ADAP1: variants seen among roughly 807,000 people sequenced by gnomAD.
ADAP1 encodes the protein ArfGAP with dual PH domains 1.
ADAP1 carries 31 observed loss-of-function variants against 54.9 expected under a neutral mutation model. The ratio of observed to expected loss-of-function variants is 0.56; its 90% CI spans 0.42 to 0.76. ADAP1 has a LOEUF of 0.76. ADAP1 is among the 30% of genes least tolerant of loss of function. The pLI is 0.00. For synonymous variants in ADAP1, 313 were observed against 202.6 expected (o/e 1.55, Z -4.63); for missense variants, 535 against 512.4 (o/e 1.04, Z -0.42).
intron 6 of ADAP1, 39 bp downstream of exon 6, chr7:904,087 T>C (rs1844963221): frequency 6.2e-7 from 1 of 1,606,490 alleles, no homozygotes; most frequent in South Asian, 1.1e-5. Flanking sequence ...GGGCCCACCC[T>C]CCTGTGCCAC....
At chr7:912,528 T>A (rs1336333197) in intron 4 of ADAP1, among the ~76,000 whole-genome samples, 1 of 152,070 alleles carries the variant, frequency 6.6e-6, no homozygotes, top group Non-Finnish European at 1.5e-5. Context: ...GGGCTGAGGT[T>A]CACCTGGGGC....
rs371284313 is a variant in ADAP1, at chr7:903,243, G to A, written c.648+883C>T. 1.2e-3 allele frequency among the ~76,000 whole-genome samples: 178 copies of A among 152,266 alleles called. 1 individual carries two copies. The South Asian group carries it at 0.015, about 13-fold the overall frequency. ...TGAGGCCAGGGGCTGCACCCGACTCGGCCCCCTAACAAACCCAGGGTCAGA... is the reference window on the plus strand; with the variant it reads ...TGAGGCCAGGGGCTGCACCCGACTCAGCCCCCTAACAAACCCAGGGTCAGA... On this transcript the variant is annotated intron_variant, in intron 6 of 10. Transcript: ENST00000265846.
In ADAP1 at chr7:905,449, G is replaced by A. The variant is rs1299011333; in HGVS notation, c.389-277C>T. The A allele has an allele frequency of 1.8e-5, 2 of 109,836 alleles. 1 individual carries two copies. The highest frequency in any genetic ancestry group is 1.6e-4 in the African/African-American group (2 of 12,588). The allele number at this position is 109,836 out of a possible 1,614,324, so 6.8% of individuals were successfully genotyped here. A position where few individuals can be genotyped will look rare whatever the true frequency, so the allele number is the denominator to read the frequency against. On this transcript the variant is annotated intron_variant, in intron 4 of 10. Transcript: ENST00000265846. ...AGGAGAAAGGAGAAAGGGAGAAAGG[G>A]AGAAAGGGAAAGGAGAAAGGAGAAA...
At chr7:931,442 G>A (rs760569363) in intron 2 of ADAP1, among the ~76,000 whole-genome samples, 11 of 152,304 alleles carry the variant, frequency 7.2e-5, no homozygotes, top group South Asian at 2.1e-4. Context: ...GATGGGCCTC[G>A]GGGACCTGGC....
At chr7:942,295 G>C (rs561256526) in intron 1 of ADAP1, among the ~76,000 whole-genome samples, 1 of 148,942 alleles carries the variant, frequency 6.7e-6, no homozygotes, top group East Asian at 2.1e-4. Flanking sequence ...AGGAGGAAGA[G>C]AGAGGAGGAG....
chr7:927,123 G>T lies in ADAP1; in HGVS notation c.214-479C>A, dbSNP rs1002176209. On this transcript the variant is annotated intron_variant, in intron 2 of 10. Coordinates refer to ENST00000265846, the MANE Select transcript of ADAP1 (RefSeq NM_006869.4). ...GATGGGCTGGTGAGCGAGAGACCCA[G>T]ATGTGGCTAGGACAGAGTCTCTGAG... 4.6e-6 allele frequency: 6 copies of T among 1,303,922 alleles called. No individual in the cohort carries two copies. The Admixed American group carries it at 6.9e-5, about 15-fold the overall frequency. 80.8% of individuals were successfully genotyped at this position (1,303,922 alleles called of 1,614,324 possible).
At chr7:932,953 C>A (rs1300415969) in intron 2 of ADAP1, among the ~76,000 whole-genome samples, 1 of 152,144 alleles carries the variant, frequency 6.6e-6, no homozygotes, top group Non-Finnish European at 1.5e-5. Flanking sequence ...CACAAAGGTG[C>A]AATCACAACT....
chr7:899,814 C>A (rs1844696743), intron 8 of ADAP1, among the ~76,000 whole-genome samples: 1 of 152,162 alleles, frequency 6.6e-6, no homozygotes, highest in Non-Finnish European at 1.5e-5. Context: ...CTCCCTCCCA[C>A]ATTATGCCTC....
chr7:928,395 A>T (rs56832589), intron 2 of ADAP1, among the ~76,000 whole-genome samples: 1 of 152,136 alleles, frequency 6.6e-6, no homozygotes, highest in East Asian at 1.9e-4. Flanking sequence ...ATAAAAAATA[A>T]ATAAAAATGG....
intron 4 of ADAP1, among the ~76,000 whole-genome samples, chr7:909,521 C>T (rs951159658): frequency 6.6e-6 from 1 of 152,254 alleles, no homozygotes; most frequent in African/African-American, 2.4e-5. Context: ...CGGTCCCGGA[C>T]GCGCCCCACG....
At chr7:942,425 G>C (rs1364820432) in intron 1 of ADAP1, among the ~76,000 whole-genome samples, 1 of 97,464 alleles carries the variant, frequency 1.0e-5, no homozygotes, top group African/African-American at 4.2e-5. Flanking sequence ...AAGGGAGAGA[G>C]GAGGAGGAAG....
intron 2 of ADAP1, among the ~76,000 whole-genome samples, chr7:930,101 CAAAA>C (rs1170304660): frequency 0.011 from 368 of 33,194 alleles, no homozygotes; most frequent in Middle Eastern, 0.033. Flanking sequence ...AAGACTGTCT[CAAAA>C]AAAAAAAAAA....
upstream of ADAP1, chr7:954,741 C>A (rs562418923): frequency 4.1e-4 from 402 of 978,990 alleles, 7 homozygotes; most frequent in Admixed American, 0.023. Context: ...GGGCGGCCCC[C>A]AGCGGTGCAG....
chr7:929,569 A>C (rs911053885), intron 2 of ADAP1, among the ~76,000 whole-genome samples: 15 of 151,486 alleles, frequency 9.9e-5, no homozygotes, highest in Non-Finnish European at 2.2e-4. Flanking sequence ...CATCTGTTTG[A>C]AATGTTCAGA....
In ADAP1 at chr7:945,059, G is replaced by A. The variant is rs1036353130; in HGVS notation, c.82+9337C>T. Reference sequence around the variant, plus strand: ...GGGTGGGCTCACGTGTGTGTGTGCAGGTGTGTGTGTGTGCAAGGAGATGGG... The same window carrying A: ...GGGTGGGCTCACGTGTGTGTGTGCAAGTGTGTGTGTGTGCAAGGAGATGGG... On this transcript the variant is annotated intron_variant, in intron 1 of 10. Coordinates refer to ENST00000265846, the MANE Select transcript of ADAP1 (RefSeq NM_006869.4). This position sits in a 1 kb window ranked among gnomAD's most constrained non-coding sequence, Gnocchi z 4.2. 4.6e-5 allele frequency among the ~76,000 whole-genome samples: 7 copies of A among 151,968 alleles called. No homozygotes were observed. Among genetic ancestry groups the A allele is most frequent in the Non-Finnish European group, 1.0e-4 (7 of 67,986 alleles).
At chr7:939,035 A>T (rs1562934797) in intron 1 of ADAP1, among the ~76,000 whole-genome samples, 1 of 152,110 alleles carries the variant, frequency 6.6e-6, no homozygotes, top group Non-Finnish European at 1.5e-5. Context: ...TGGGCCTGGA[A>T]GGAGGCCTGT....
At chr7:915,246 G>GCACACCTCGCCTT (rs1554274113) in intron 4 of ADAP1, among the ~76,000 whole-genome samples, 6 of 151,928 alleles carry the variant, frequency 3.9e-5, no homozygotes, top group Non-Finnish European at 8.8e-5. Context: ...CACCTCGCCT[G>GCACACCTCGCCTT]TGCATCTCAC....
chr7:899,731 G>T (rs964566422), intron 8 of ADAP1, among the ~76,000 whole-genome samples: 6 of 152,018 alleles, frequency 3.9e-5, no homozygotes, highest in Non-Finnish European at 7.4e-5. Context: ...CCAGATGGGG[G>T]CCCAGGCCTC....
At chr7:900,500 T>C (rs751142601) in intron 7 of ADAP1, 33 bp downstream of exon 7, 31 of 1,376,730 alleles carry the variant, frequency 2.3e-5, no homozygotes, top group Middle Eastern at 4.1e-4. Context: ...CACCCCTGTC[T>C]GCCCTGGAGC....
Sources: allele counts gnomAD v4.1 joint callset (sites outside exome capture counted in the v4.1 genomes callset), GRCh38; gene constraint gnomAD v4.1.1; non-coding constraint Gnocchi (gnomAD v3.1); transcripts MANE v1.5; gene names NCBI Gene and HGNC (gene_info 2026-07-23, HGNC 2026-07-21).